The following PARD3B variants were observed in gnomAD, a reference collection of about 807,000 sequenced individuals.
PARD3B encodes partitioning defective 3 homolog B.
Under a neutral mutation model 130.2 loss-of-function variants are expected in PARD3B, and 103 were observed. The ratio of observed to expected loss-of-function variants is 0.79; its 90% CI spans 0.67 to 0.93. The LOEUF is 0.93. PARD3B is among the 40% of genes least tolerant of loss of function. The pLI is 0.00. For synonymous variants in PARD3B, 583 were observed against 553.2 expected (o/e 1.05, Z -0.76); for missense variants, 1,609 against 1,499.2 (o/e 1.07, Z -1.21).
At chr2:205,598,905 T>C (rs1200900265) in intron 22 of PARD3B, among the ~76,000 whole-genome samples, 1 of 152,100 alleles carries the variant, frequency 6.6e-6, no homozygotes, top group Non-Finnish European at 1.5e-5. Flanking sequence ...ATCAAAAAAT[T>C]CTTTGAAACT....
intron 5 of PARD3B, among the ~76,000 whole-genome samples, chr2:205,111,575 G>A (rs1703649802): frequency 6.6e-6 from 1 of 151,974 alleles, no homozygotes; most frequent in Non-Finnish European, 1.5e-5. Flanking sequence ...AGAAATATTT[G>A]TGAAATAGAA....
intron 15 of PARD3B, among the ~76,000 whole-genome samples, chr2:205,235,957 T>C (rs1188027359): frequency 6.6e-6 from 1 of 152,218 alleles, no homozygotes; most frequent in Non-Finnish European, 1.5e-5. Context: ...AATAAACCAT[T>C]AACCAGACTG....
chr2:205,147,006 G>A (rs1005742555), intron 10 of PARD3B, among the ~76,000 whole-genome samples: 2 of 152,084 alleles, frequency 1.3e-5, no homozygotes, highest in African/African-American at 2.4e-5. Context: ...ATGAGCCACC[G>A]TGCCTGGCCA....
chr2:204,680,245 A>G (rs1359220040), intron 1 of PARD3B, among the ~76,000 whole-genome samples: 2 of 152,064 alleles, frequency 1.3e-5, no homozygotes, highest in African/African-American at 4.8e-5. Flanking sequence ...CAATAAATTC[A>G]ATTTAATTCT....
chr2:204,875,322 GCT>G (rs1487488318), intron 2 of PARD3B, among the ~76,000 whole-genome samples: 1 of 152,112 alleles, frequency 6.6e-6, no homozygotes, highest in African/African-American at 2.4e-5. Flanking sequence ...CTAGTAAACA[GCT>G]CTCTCGGCTT....
intron 2 of PARD3B, among the ~76,000 whole-genome samples, chr2:204,747,333 T>C (rs569548270): frequency 2.0e-5 from 3 of 152,118 alleles, no homozygotes; most frequent in Admixed American, 6.6e-5. Flanking sequence ...CATTCACAAT[T>C]GCTTCAAAGA....
Position 205,592,579 on chromosome 2 carries a change from A to T in PARD3B, c.3261-22877A>T, listed in dbSNP as rs1379915056. Among the ~76,000 whole-genome samples the T allele has an allele frequency of 6.6e-6, 1 of 152,212 alleles. No individual in the cohort carries two copies. Among genetic ancestry groups the T allele is most frequent in the Non-Finnish European group, 1.5e-5 (1 of 68,038 alleles). On this transcript the variant is annotated intron_variant, in intron 22 of 22. Coordinates refer to ENST00000406610, the MANE Select transcript of PARD3B (RefSeq NM_001302769.2). The surrounding 1 kb of genome is among the most constrained non-coding windows in gnomAD (Gnocchi z 4.5). ...AGGTGATTAAATACAATGGTTATTG[A>T]TTCCATAGAGGCAGAATGTTTCCCA...
chr2:205,099,754 T>C (rs966796558), intron 4 of PARD3B, among the ~76,000 whole-genome samples: 3 of 152,130 alleles, frequency 2.0e-5, no homozygotes, highest in Non-Finnish European at 2.9e-5. Flanking sequence ...TCAGAGAATA[T>C]CAAAGAATTT....
At chr2:204,607,448 T>G (rs1296943916) in intron 1 of PARD3B, among the ~76,000 whole-genome samples, 1 of 152,142 alleles carries the variant, frequency 6.6e-6, no homozygotes, top group African/African-American at 2.4e-5. Context: ...CCTTCGATCA[T>G]AATTCACTGA....
intron 2 of PARD3B, among the ~76,000 whole-genome samples, chr2:204,710,941 A>G (rs533416761): frequency 6.6e-6 from 1 of 152,316 alleles, no homozygotes; most frequent in East Asian, 1.9e-4. Flanking sequence ...CAGACCTAAT[A>G]GTGATATTGA....
intron 18 of PARD3B, among the ~76,000 whole-genome samples, chr2:205,381,161 TAAAG>T (rs1273171587): frequency 1.7e-5 from 2 of 118,902 alleles, no homozygotes; most frequent in African/African-American, 3.3e-5. Context: ...ATAATATATA[TAAAG>T]AATATATAAT....
At chr2:204,814,270 T>G (rs796597848) in intron 2 of PARD3B, among the ~76,000 whole-genome samples, 6 of 151,890 alleles carry the variant, frequency 4.0e-5, no homozygotes, top group African/African-American at 1.4e-4. Context: ...CTTACTGACA[T>G]AAAGAGATAC....
Position 205,187,168 on chromosome 2 carries a change from G to T in PARD3B, c.2024+1305G>T, listed in dbSNP as rs963848870. On this transcript the variant is annotated intron_variant, in intron 14 of 22. Coordinates refer to ENST00000406610, the MANE Select transcript of PARD3B (RefSeq NM_001302769.2). The surrounding 1 kb of genome is among the most constrained non-coding windows in gnomAD (Gnocchi z 4.9). ...AATCAGGGAAAATACTATGGTAAAAGTGTCATTTGAGCTGAACCCTAACTC... is the reference window on the plus strand; with the variant it reads ...AATCAGGGAAAATACTATGGTAAAATTGTCATTTGAGCTGAACCCTAACTC... Among the ~76,000 whole-genome samples the T allele has an allele frequency of 1.3e-5, 2 of 152,164 alleles. No individual in the cohort carries two copies. The highest frequency in any genetic ancestry group is 4.8e-5 in the African/African-American group (2 of 41,436).
At chr2:204,969,973 A>G (rs564970937) in intron 3 of PARD3B, among the ~76,000 whole-genome samples, 8 of 152,174 alleles carry the variant, frequency 5.3e-5, no homozygotes, top group African/African-American at 1.7e-4. Context: ...CCAATATACT[A>G]ATGGGATCCA....
chr2:204,996,701 GATCTCAGACTGCTGTGCTAGCA>G (rs1309878507), intron 3 of PARD3B, among the ~76,000 whole-genome samples: 1 of 149,550 alleles, frequency 6.7e-6, no homozygotes, highest in Non-Finnish European at 1.5e-5. Context: ...CTTGCAGTTT[GATCTCAGACTGCTGTGCTAGCA>G]ATCAGCGAGA....
chr2:204,616,358 C>T (rs1454476911), intron 1 of PARD3B, among the ~76,000 whole-genome samples: 1 of 152,136 alleles, frequency 6.6e-6, no homozygotes, highest in African/African-American at 2.4e-5. Flanking sequence ...TAAATAAGCA[C>T]ATGAAAAGAT....
At position 204,789,872 on chromosome 2, in the gene PARD3B, C is replaced by CT. The variant is rs386392368; in HGVS notation, c.222+103606dup. On this transcript the variant is annotated intron_variant, in intron 2 of 22. Transcript: ENST00000406610. ...GTGAAGGTGAATTTTTAGTTTTCTTCTTTTTTTTTTTTTTTTAAGACAGAG... is the reference window on the plus strand; with the variant it reads ...GTGAAGGTGAATTTTTAGTTTTCTTCTTTTTTTTTTTTTTTTTAAGACAGAG... Among the ~76,000 whole-genome samples the CT allele has an allele frequency of 2.7e-3, 372 of 139,390 alleles. 1 individual carries two copies. Among genetic ancestry groups the CT allele is most frequent in the Middle Eastern group, 0.011 (3 of 272 alleles). 91.4% of individuals were successfully genotyped at this position (139,390 alleles called of 152,430 possible).
intron 2 of PARD3B, among the ~76,000 whole-genome samples, chr2:204,696,418 C>T (rs1290897410): frequency 6.6e-6 from 1 of 151,994 alleles, no homozygotes; most frequent in Non-Finnish European, 1.5e-5. Context: ...TAACCATATA[C>T]CAGACTCTTA....
intron 1 of PARD3B, among the ~76,000 whole-genome samples, chr2:204,643,605 T>C (rs1348186632): frequency 1.3e-5 from 2 of 152,016 alleles, no homozygotes; most frequent in Non-Finnish European, 2.9e-5. Flanking sequence ...TATGAGATTT[T>C]TTTGTGATTT....
Sources: allele counts gnomAD v4.1 joint callset (sites outside exome capture counted in the v4.1 genomes callset), GRCh38; gene constraint gnomAD v4.1.1; non-coding constraint Gnocchi (gnomAD v3.1); transcripts MANE v1.5; gene names NCBI Gene and HGNC (gene_info 2026-07-23, HGNC 2026-07-21).